The following USP32 variants were observed in gnomAD, a reference collection of about 807,000 sequenced individuals.
USP32 encodes ubiquitin specific peptidase 32, also known as ubiquitin carboxyl-terminal hydrolase 32.
A neutral mutation model predicts 204.8 loss-of-function variants in USP32; 59 were observed. That is an observed-to-expected ratio of 0.29 (90% CI 0.23 to 0.36). The LOEUF (loss-of-function observed/expected upper bound fraction) is 0.36, where lower values mean the gene tolerates loss of function less well. Among genes scored for constraint, USP32 ranks in the 10% least tolerant of loss-of-function variants. The probability of loss-of-function intolerance (pLI) is 1.00; values close to 1 mark genes in which losing one functional copy is unlikely to be tolerated. For synonymous variants in USP32, 517 were observed against 678.4 expected, an observed-to-expected ratio of 0.76 and a Z score of 3.70; for missense variants, 1,160 against 1,946.4, an observed-to-expected ratio of 0.60 and a Z score of 7.60.
intron 2 of USP32, among the ~76,000 whole-genome samples, chr17:60,344,394 C>A (rs1598268724): frequency 6.6e-6 from 1 of 151,984 alleles, no homozygotes; most frequent in African/African-American, 2.4e-5. Flanking sequence ...TCCCAAAGTG[C>A]GGGGATTACA....
chr17:60,244,202 A>AT lies in USP32; in HGVS notation c.1137-7963dup, dbSNP rs1284206860. Among the ~76,000 whole-genome samples the AT allele has an allele frequency of 2.0e-5, 3 of 151,308 alleles. No individual in the cohort carries two copies. The East Asian group carries it at 5.8e-4, about 29-fold the overall frequency. On this transcript the variant is annotated intron_variant, in intron 11 of 33. Coordinates refer to ENST00000300896, the MANE Select transcript of USP32 (RefSeq NM_032582.4). The stretch of plus-strand genomic sequence containing the variant: ...AGGCGCCCACCACCACGCCCAGCTA[A>AT]TTTTTTTAGTAGAGACCGTGTTAAC...
intron 1 of USP32, 68 bp downstream of exon 1, chr17:60,391,814 G>T (rs923728468): frequency 6.4e-7 from 1 of 1,554,500 alleles, no homozygotes; most frequent in East Asian, 2.3e-5. Flanking sequence ...CTCCCTCCCG[G>T]TTACCCACCC....
chr17:60,301,160 GT>G (rs969047946), intron 3 of USP32, among the ~76,000 whole-genome samples: 2 of 152,106 alleles, frequency 1.3e-5, no homozygotes, highest in African/African-American at 4.8e-5. Context: ...TTCTGTACAA[GT>G]TTTTTTGTGT....
chr17:60,346,032 C>T (rs149566071), intron 1 of USP32, among the ~76,000 whole-genome samples: 168 of 152,042 alleles, frequency 1.1e-3, no homozygotes, highest in African/African-American at 3.8e-3. Context: ...GCAAGCATTA[C>T]ACTTCTTTTT....
chr17:60,364,392 T>C (rs2089273683), intron 1 of USP32, among the ~76,000 whole-genome samples: 1 of 152,168 alleles, frequency 6.6e-6, no homozygotes, highest in African/African-American at 2.4e-5. Flanking sequence ...GGTTGTCTGT[T>C]TGTTTCAGAC....
chr17:60,392,028 G>T lies in USP32; in HGVS notation c.-89C>A. The T allele has an allele frequency of 1.4e-6, 2 of 1,465,748 alleles. No individual in the cohort carries two copies. Among genetic ancestry groups the T allele is most frequent in the Non-Finnish European group, 1.8e-6 (2 of 1,082,194 alleles). 90.8% of individuals were successfully genotyped at this position (1,465,748 alleles called of 1,614,324 possible). ...CTCCTCGGCGTCCCTGGGTGACGGT[G>T]ACGGTGTCGGCGTCCCCCGCCCCCA... On this transcript the variant is annotated 5_prime_UTR_variant, in exon 1 of 34. Transcript: ENST00000300896.
chr17:60,276,966 T>TATATATATATATATATAAAA (rs60544670), intron 5 of USP32, among the ~76,000 whole-genome samples: 2 of 149,890 alleles, frequency 1.3e-5, no homozygotes, highest in African/African-American at 5.0e-5. Context: ...TATATATATA[T>TATATATATATATATATAAAA]AAAATTACCA....
chr17:60,314,589 C>T (rs529913885), intron 2 of USP32, among the ~76,000 whole-genome samples: 1 of 152,054 alleles, frequency 6.6e-6, no homozygotes, highest in African/African-American at 2.4e-5. Context: ...AGAAAATAAT[C>T]AGTCTCAGTA....
In USP32 at chr17:60,265,458, A is replaced by G. The variant is rs2086566434; in HGVS notation, c.944T>C (p.Leu315Pro). Reference protein sequence around the residue: ...TDDIPELHMDLSDIVEGILNA... With the variant: ...TDDIPELHMDPSDIVEGILNA... ...CAGTATGCCTTCTACAATATCAGAG[A>G]GATCCATATGTAATTCCTTTAAAAA... Residue 315 changes from leucine (L) to proline (P), a missense_variant, in exon 9 of 34, where the codon CTC becomes CCC. Transcript: ENST00000300896. 1.2e-6 allele frequency: 2 copies of G among 1,603,586 alleles called. No homozygotes were observed. Among genetic ancestry groups the G allele is most frequent in the African/African-American group, 1.3e-5 (1 of 74,652 alleles).
At chr17:60,397,749 C>G (rs1415393039) in intron 1 of USP32, among the ~76,000 whole-genome samples, 1 of 152,048 alleles carries the variant, frequency 6.6e-6, no homozygotes, top group Non-Finnish European at 1.5e-5. Context: ...ATTTTGGACC[C>G]CAGGCCTCCT....
intron 28 of USP32, among the ~76,000 whole-genome samples, chr17:60,191,549 G>A (rs548465005): frequency 2.7e-5 from 4 of 150,784 alleles, no homozygotes; most frequent in South Asian, 4.2e-4. Flanking sequence ...TTGCTCTGTC[G>A]CCCAGGCTGG....
Position 60,183,206 on chromosome 17 carries a change from C to T in USP32, c.4082G>A (p.Ser1361Asn), listed in dbSNP as rs2084159772. Reference sequence around the variant, plus strand: ...GATGTTAGCGCTGAGTGAGGATGGGCTTTTGCTCAGGAGCACGTCCTCTTC... The same window carrying T: ...GATGTTAGCGCTGAGTGAGGATGGGTTTTTGCTCAGGAGCACGTCCTCTTC... ...AGEEDVLLSK[S>N]PSSLSANIIS... is the part of the protein sequence containing the mutation. The change falls in exon 31 of 34, where the codon AGC becomes AAC. Residue 1361 changes from serine to asparagine, a missense_variant. Ser to Asn is a conservative substitution (Grantham distance 46). Transcript: ENST00000300896. 2 of 1,613,792 alleles carry T rather than the reference C, an allele frequency of 1.2e-6. No homozygotes were observed. Among genetic ancestry groups the T allele is most frequent in the Admixed American group, 3.3e-5 (2 of 59,986 alleles).
intron 5 of USP32, among the ~76,000 whole-genome samples, chr17:60,275,070 G>A (rs1194987245): frequency 6.6e-6 from 1 of 152,174 alleles, no homozygotes; most frequent in Non-Finnish European, 1.5e-5. Context: ...CTTGAGGGCT[G>A]AGTTTCTGGT....
At chr17:60,215,152 G>A (rs2085069458) in intron 16 of USP32, among the ~76,000 whole-genome samples, 1 of 152,084 alleles carries the variant, frequency 6.6e-6, no homozygotes, top group Non-Finnish European at 1.5e-5. Flanking sequence ...ACATTTTTGG[G>A]TAGAGACAGG....
intron 4 of USP32, 85 bp downstream of exon 4, chr17:60,294,598 G>T: frequency 1.3e-6 from 1 of 794,174 alleles, no homozygotes; most frequent in Non-Finnish European, 2.0e-6. Context: ...ATAAACATCT[G>T]TTTGTCATAC....
intron 2 of USP32, among the ~76,000 whole-genome samples, chr17:60,338,669 G>A (rs1204596255): frequency 6.6e-6 from 1 of 152,180 alleles, no homozygotes; most frequent in Non-Finnish European, 1.5e-5. Context: ...GGTCGAGGAT[G>A]CAGTGAGCCG....
chr17:60,182,307 C>T (rs367592546), intron 31 of USP32, among the ~76,000 whole-genome samples: 9 of 152,048 alleles, frequency 5.9e-5, no homozygotes, highest in East Asian at 3.8e-4. Flanking sequence ...CAATATTTCC[C>T]GTATTAGAAA....
intron 1 of USP32, among the ~76,000 whole-genome samples, chr17:60,352,904 G>T (rs1424050287): frequency 6.6e-6 from 1 of 152,118 alleles, no homozygotes; most frequent in Non-Finnish European, 1.5e-5. Context: ...GCTGTCAAAG[G>T]ACTAGAAAGA....
chr17:60,395,026 G>A (rs1030418903), upstream of USP32, among the ~76,000 whole-genome samples: 1 of 152,190 alleles, frequency 6.6e-6, no homozygotes, highest in East Asian at 1.9e-4. Flanking sequence ...TTAGAGGCAC[G>A]AGCCACCACG....
Sources: allele counts gnomAD v4.1 joint callset (sites outside exome capture counted in the v4.1 genomes callset), GRCh38; gene constraint gnomAD v4.1.1; transcripts MANE v1.5; gene names NCBI Gene and HGNC (gene_info 2026-07-23, HGNC 2026-07-21).